The following PTGER3 variants were observed in gnomAD, a reference collection of about 807,000 sequenced individuals.
The protein encoded by PTGER3 is prostaglandin E2 receptor EP3 subtype.
Under a neutral mutation model 34.7 loss-of-function variants are expected in PTGER3, and 22 were observed. The ratio of observed to expected loss-of-function variants is 0.63; its 90% CI spans 0.45 to 0.91. PTGER3 has a LOEUF of 0.91. Among genes scored for constraint, PTGER3 ranks in the 40% least tolerant of loss-of-function variants. The pLI is 0.00. For missense variants in PTGER3, 468 were observed against 519.4 expected (o/e 0.90, Z 0.96); for synonymous variants, 241 against 230.1 (o/e 1.05, Z -0.43).
intron 4 of PTGER3, among the ~76,000 whole-genome samples, chr1:70,894,764 A>G (rs1266067029): frequency 6.6e-6 from 1 of 152,164 alleles, no homozygotes; most frequent in Non-Finnish European, 1.5e-5. Context: ...GTGAATCCTT[A>G]TAACAGTCTT....
intron 4 of PTGER3, among the ~76,000 whole-genome samples, chr1:70,918,482 A>G (rs1453541310): frequency 1.3e-5 from 2 of 152,070 alleles, no homozygotes; most frequent in African/African-American, 4.8e-5. Context: ...AAGTCAATCT[A>G]ATTTGGAAGC....
chr1:70,991,350 T>C (rs1331402583), intron 2 of PTGER3, among the ~76,000 whole-genome samples: 18 of 152,270 alleles, frequency 1.2e-4, no homozygotes. Context: ...AGACATTTCC[T>C]CTCTTATCCT....
At chr1:70,874,595 T>A (rs1646234835) in intron 4 of PTGER3, among the ~76,000 whole-genome samples, 1 of 152,222 alleles carries the variant, frequency 6.6e-6, no homozygotes, top group African/African-American at 2.4e-5. Context: ...TGTCTCTGAA[T>A]CTGCCCTTCT....
intron 4 of PTGER3, among the ~76,000 whole-genome samples, chr1:70,936,532 A>T (rs1572696950): frequency 6.6e-6 from 1 of 152,334 alleles, no homozygotes; most frequent in Middle Eastern, 3.4e-3. Context: ...TGAAGAAAAA[A>T]AATGACTGTA....
intron 1 of PTGER3, among the ~76,000 whole-genome samples, chr1:71,022,135 T>G (rs1317960960): frequency 6.6e-6 from 1 of 151,868 alleles, no homozygotes; most frequent in Non-Finnish European, 1.5e-5. Flanking sequence ...ACACATGCTA[T>G]TTTTTACACT....
At position 70,996,639 on chromosome 1, in the gene PTGER3, T is replaced by TTTTTATTTATTTATTTA. The variant is rs774610328; in HGVS notation, c.1077+15665_1077+15666insTAAATAAATAAATAAAA. 1.1e-4 allele frequency among the ~76,000 whole-genome samples: 13 copies of TTTTTATTTATTTATTTA among 122,746 alleles called. No individual in the cohort carries two copies. The East Asian group carries it at 3.4e-3, about 32-fold the overall frequency. The allele number at this position is 122,746 out of a possible 152,430, so 80.5% of individuals were successfully genotyped here. A position where few individuals can be genotyped will look rare whatever the true frequency, so the allele number is the denominator to read the frequency against. On this transcript the variant is annotated intron_variant, in intron 2 of 3. Transcript: ENST00000306666. ...CCATGCCCGGCTAATTTTTTTGTAT[T>TTTTTATTTATTTATTTA]TTTATTTATTTATTTATTTATTTAT...
exon 4 of PTGER3, chr1:70,952,706 G>A (rs1405174707): frequency 3.3e-6 from 4 of 1,225,296 alleles, no homozygotes; most frequent in East Asian, 3.5e-5. Flanking sequence ...TGGGTAGTTC[G>A]AGTGACCAAC....
Position 70,879,058 on chromosome 1 carries a change from G to C in PTGER3, c.*24-26199C>G, listed in dbSNP as rs150124415. Among the ~76,000 whole-genome samples the C allele has an allele frequency of 6.6e-4, 101 of 152,218 alleles. 1 individual carries two copies. The highest frequency in any genetic ancestry group is 2.4e-3 in the African/African-American group (99 of 41,524). On this transcript the variant is annotated intron_variant, in intron 4 of 4. Transcript: ENST00000370931. ...TTTGCCTCAATGATATGGTTAATAT[G>C]GTCATGGAGTGTTAAAATCTCCTAG...
At chr1:70,953,635 C>T in intron 3 of PTGER3, 1 of 1,377,262 alleles carries the variant, frequency 7.3e-7, no homozygotes, top group Non-Finnish European at 9.7e-7. Context: ...TAGGTTCCTT[C>T]ACATTCTTGA....
intron 1 of PTGER3, among the ~76,000 whole-genome samples, chr1:71,028,557 T>C (rs1659142958): frequency 6.6e-6 from 1 of 152,186 alleles, no homozygotes; most frequent in African/African-American, 2.4e-5. Context: ...CATTATGTTT[T>C]TTCCTTTGTT....
chr1:71,018,453 A>G (rs564578658), intron 1 of PTGER3, among the ~76,000 whole-genome samples: 1 of 152,266 alleles, frequency 6.6e-6, no homozygotes, highest in South Asian at 2.1e-4. Flanking sequence ...AGTTGGCTTT[A>G]TGAAAAAAAG....
chr1:70,879,327 A>G (rs938222641), intron 4 of PTGER3, among the ~76,000 whole-genome samples: 3 of 152,068 alleles, frequency 2.0e-5, no homozygotes, highest in African/African-American at 7.2e-5. Flanking sequence ...GCTCACTGCA[A>G]CCTCTGCCTC....
intron 4 of PTGER3, among the ~76,000 whole-genome samples, chr1:70,853,647 T>G (rs1216387325): frequency 2.0e-5 from 3 of 152,018 alleles, no homozygotes; most frequent in African/African-American, 7.2e-5. Flanking sequence ...TATGAAGGGG[T>G]AAAATAATAC....
At chr1:70,883,511 A>T (rs1030310160) in intron 4 of PTGER3, among the ~76,000 whole-genome samples, 1 of 152,206 alleles carries the variant, frequency 6.6e-6, no homozygotes, top group African/African-American at 2.4e-5. Context: ...AATAAATTAA[A>T]TTTATAGGTA....
intron 4 of PTGER3, among the ~76,000 whole-genome samples, chr1:70,934,536 C>T (rs1347606558): frequency 6.6e-6 from 1 of 152,140 alleles, no homozygotes; most frequent in Non-Finnish European, 1.5e-5. Context: ...CTCAGTTTCT[C>T]ACTGCATAGT....
intron 2 of PTGER3, among the ~76,000 whole-genome samples, chr1:70,976,847 G>A (rs1175782529): frequency 6.6e-6 from 1 of 152,050 alleles, no homozygotes; most frequent in Non-Finnish European, 1.5e-5. Context: ...ATCAGCTCTT[G>A]CAGCCATAAA....
rs573043468 is a variant in PTGER3 at position 70,946,863 on chromosome 1, C to T, written c.*23+6900G>A. On this transcript the variant is annotated intron_variant, in intron 4 of 4. Transcript: ENST00000370931. The stretch of plus-strand genomic sequence containing the variant: ...TGCATGCTCACAGGTCTTATGTTCC[C>T]GGTTCTGCTATACTTTATTTTCACT... 1.5e-4 allele frequency among the ~76,000 whole-genome samples: 23 copies of T among 152,208 alleles called. 1 individual carries two copies. The highest frequency in any genetic ancestry group is 7.9e-4 in the Admixed American group (12 of 15,266).
intron 4 of PTGER3, chr1:70,862,485 G>T: frequency 1.3e-6 from 1 of 789,374 alleles, no homozygotes; most frequent in Non-Finnish European, 2.0e-6. Flanking sequence ...ATTTGGATAT[G>T]GTGTAATGGT....
chr1:70,975,115 G>A (rs1419895651), intron 2 of PTGER3, among the ~76,000 whole-genome samples: 4 of 152,160 alleles, frequency 2.6e-5, no homozygotes, highest in Admixed American at 1.3e-4. Context: ...AGTTATGTGT[G>A]TGATTATTTA....
Sources: allele counts gnomAD v4.1 joint callset (sites outside exome capture counted in the v4.1 genomes callset), GRCh38; gene constraint gnomAD v4.1.1; transcripts MANE v1.5; gene names NCBI Gene and HGNC (gene_info 2026-07-23, HGNC 2026-07-21).